LTBP1: variants seen among roughly 807,000 people sequenced by gnomAD.
LTBP1 encodes latent-transforming growth factor beta-binding protein 1.
Under a neutral mutation model 207.6 loss-of-function variants are expected in LTBP1, and 129 were observed. The ratio of observed to expected loss-of-function variants is 0.62; its 90% CI spans 0.54 to 0.72. The LOEUF is 0.72. LTBP1 is among the 30% of genes least tolerant of loss of function. The probability of loss-of-function intolerance (pLI) is 0.00; values close to 1 mark genes in which losing one functional copy is unlikely to be tolerated. For synonymous variants in LTBP1, 963 were observed against 833.7 expected (o/e 1.16, Z -2.67); for missense variants, 2,281 against 2,217.2 (o/e 1.03, Z -0.58).
At chr2:33,392,148 A>T (rs1234435669) in intron 32 of LTBP1, among the ~76,000 whole-genome samples, 1 of 151,536 alleles carries the variant, frequency 6.6e-6, no homozygotes, top group Non-Finnish European at 1.5e-5. Context: ...AGCAGAGAAT[A>T]GGCAAACATT....
rs536455641 is a variant in LTBP1, at chr2:33,196,089, G to T, written c.1701+7238G>T. 2.6e-5 allele frequency among the ~76,000 whole-genome samples: 4 copies of T among 152,270 alleles called. No individual in the cohort carries two copies. The South Asian group carries it at 6.2e-4, about 24-fold the overall frequency. On this transcript the variant is annotated intron_variant, in intron 7 of 33. Transcript: ENST00000404816. ...TATAGTGTAAACATGACTTTTATTTGCACTGGGAAACTGACAGATTCATGT... is the reference window on the plus strand; with the variant it reads ...TATAGTGTAAACATGACTTTTATTTTCACTGGGAAACTGACAGATTCATGT...
chr2:33,344,586 A>G (rs2149712216), intron 25 of LTBP1, among the ~76,000 whole-genome samples: 1 of 152,284 alleles, frequency 6.6e-6, no homozygotes, highest in South Asian at 2.1e-4. Context: ...GTCATCTTCC[A>G]GACACCATCC....
chr2:33,155,637 A>G (rs961087114), intron 5 of LTBP1, among the ~76,000 whole-genome samples: 1 of 152,094 alleles, frequency 6.6e-6, no homozygotes, highest in East Asian at 1.9e-4. Flanking sequence ...CTCTGGGGAC[A>G]AAACCACCCC....
At chr2:33,146,441 G>A (rs1306253442) in intron 5 of LTBP1, among the ~76,000 whole-genome samples, 1 of 152,226 alleles carries the variant, frequency 6.6e-6, no homozygotes, top group East Asian at 1.9e-4. Context: ...GCGGAGGGTG[G>A]AAGCCTCCAG....
intron 2 of LTBP1, among the ~76,000 whole-genome samples, chr2:32,989,260 C>T (rs1018423460): frequency 1.3e-5 from 2 of 152,178 alleles, no homozygotes; most frequent in African/African-American, 2.4e-5. Flanking sequence ...GGTGTTTCAA[C>T]ACATTCAAAG....
intron 20 of LTBP1, among the ~76,000 whole-genome samples, chr2:33,299,702 A>G (rs150814327): frequency 6.6e-6 from 1 of 152,212 alleles, no homozygotes; most frequent in Admixed American, 6.5e-5. Context: ...CCAAACAAAA[A>G]CATCTGGAAG....
intron 31 of LTBP1, among the ~76,000 whole-genome samples, chr2:33,388,610 G>T (rs1003176399): frequency 6.6e-6 from 1 of 152,130 alleles, no homozygotes; most frequent in Non-Finnish European, 1.5e-5. Context: ...CACTACCACG[G>T]CTGTTCTTAT....
intron 11 of LTBP1, among the ~76,000 whole-genome samples, chr2:33,253,829 C>T (rs1426636064): frequency 6.6e-6 from 1 of 151,164 alleles, no homozygotes; most frequent in Non-Finnish European, 1.5e-5. Context: ...TTTTAGGCCT[C>T]CAAAAGATCC....
intron 2 of LTBP1, among the ~76,000 whole-genome samples, chr2:33,015,480 G>A (rs1688248260): frequency 6.6e-6 from 1 of 152,150 alleles, no homozygotes; most frequent in Non-Finnish European, 1.5e-5. Flanking sequence ...CCTATCCCAG[G>A]CTACAGAAAG....
intron 32 of LTBP1, among the ~76,000 whole-genome samples, chr2:33,390,322 A>G (rs909362773): frequency 1.3e-5 from 2 of 152,164 alleles, no homozygotes; most frequent in African/African-American, 2.4e-5. Context: ...AGCTCAAATC[A>G]GACTTTTCAA....
At position 33,399,244 on chromosome 2, in the gene LTBP1, A is replaced by T. The variant is rs2095385224; in HGVS notation, c.*699A>T. 6.6e-6 allele frequency: 1 copy of T among 152,340 alleles called. No individual in the cohort carries two copies. The highest frequency in any genetic ancestry group is 6.5e-5 in the Admixed American group (1 of 15,286). 9.4% of individuals were successfully genotyped at this position (152,340 alleles called of 1,614,324 possible). ...TTCCTTCACTGAAATGGAAGAGTTT[A>T]TAAGCTTACGTTAGTATTGTAATAT... is the stretch of plus-strand genomic sequence containing the variant. On this transcript the variant is annotated 3_prime_UTR_variant, in exon 34 of 34. Transcript: ENST00000404816.
chr2:33,135,198 C>T (rs1021954746), intron 5 of LTBP1, among the ~76,000 whole-genome samples: 30 of 152,178 alleles, frequency 2.0e-4, no homozygotes, highest in African/African-American at 6.8e-4. Flanking sequence ...AGCATTTACA[C>T]AGCCATGTGG....
intron 2 of LTBP1, among the ~76,000 whole-genome samples, chr2:32,999,672 A>ACC (rs1491537836): frequency 7.5e-6 from 1 of 133,586 alleles, no homozygotes; most frequent in Admixed American, 7.7e-5. Flanking sequence ...TGGGCGGATC[A>ACC]TGAGGTCAGG....
intron 20 of LTBP1, among the ~76,000 whole-genome samples, chr2:33,293,970 A>G (rs1023403193): frequency 2.3e-5 from 3 of 128,336 alleles, no homozygotes; most frequent in African/African-American, 5.8e-5. Flanking sequence ...TCAGCTTCTC[A>G]TTAGTGAACA....
At chr2:33,019,824 T>G (rs2149208106) in intron 2 of LTBP1, among the ~76,000 whole-genome samples, 1 of 152,094 alleles carries the variant, frequency 6.6e-6, no homozygotes, top group South Asian at 2.1e-4. Flanking sequence ...CTCAAGAGCC[T>G]CCTGAGTAGC....
intron 7 of LTBP1, among the ~76,000 whole-genome samples, chr2:33,204,672 C>T (rs554440702): frequency 3.3e-5 from 5 of 152,024 alleles, no homozygotes; most frequent in African/African-American, 4.8e-5. Context: ...CTCAAACTCT[C>T]GGGCTCAAGT....
At chr2:33,188,555 T>A in intron 6 of LTBP1, 22 bp from the exon 7 acceptor site, 1 of 1,594,324 alleles carries the variant, frequency 6.3e-7, no homozygotes, top group South Asian at 1.1e-5. Context: ...GACTAACAAG[T>A]TTTCCTCCCA....
At chr2:33,324,787 C>G (rs1296304777) in intron 24 of LTBP1, among the ~76,000 whole-genome samples, 1 of 150,292 alleles carries the variant, frequency 6.7e-6, no homozygotes, top group East Asian at 2.0e-4. Context: ...CTGCAACCTC[C>G]GCTTCCTGGG....
chr2:33,037,389 A>C (rs528568294), intron 3 of LTBP1, among the ~76,000 whole-genome samples: 1 of 152,120 alleles, frequency 6.6e-6, no homozygotes, highest in Non-Finnish European at 1.5e-5. Flanking sequence ...GATTTCTTCT[A>C]GTTTATTAAT....
Sources: gnomAD v4.1 joint callset for allele counts (sites outside exome capture counted in the v4.1 genomes callset) on GRCh38, gnomAD v4.1.1 for gene constraint, MANE v1.5 for transcripts, NCBI Gene and HGNC (gene_info 2026-07-23, HGNC 2026-07-21) for gene names.